Variants in ATP8A2 observed in about 807,000 individuals in gnomAD.
ATP8A2 encodes the protein ATPase phospholipid transporting 8A2.
Under a neutral mutation model 165.6 loss-of-function variants are expected in ATP8A2, and 100 were observed. The observed-to-expected ratio is 0.60, with a 90% CI of 0.51 to 0.71. The LOEUF (loss-of-function observed/expected upper bound fraction) is 0.71. Among genes scored for constraint, ATP8A2 ranks in the 30% least tolerant of loss-of-function variants. The pLI is 0.00. For missense variants in ATP8A2, 1,227 were observed against 1,479.5 expected (o/e 0.83, Z 2.80); for synonymous variants, 543 against 548.8 (o/e 0.99, Z 0.15).
chr13:25,418,415 T>C (rs1361556917), intron 1 of ATP8A2, among the ~76,000 whole-genome samples: 3 of 152,084 alleles, frequency 2.0e-5, no homozygotes, highest in African/African-American at 7.2e-5. Context: ...TGTGGTCTCC[T>C]TGGGGACAAG....
chr13:25,433,974 G>T (rs2034683721), intron 1 of ATP8A2, among the ~76,000 whole-genome samples: 1 of 152,156 alleles, frequency 6.6e-6, no homozygotes, highest in Non-Finnish European at 1.5e-5. Flanking sequence ...GGCTCCAAAA[G>T]AGTGGGAGTG....
intron 27 of ATP8A2, among the ~76,000 whole-genome samples, chr13:25,789,989 T>A (rs890075028): frequency 1.3e-5 from 2 of 152,204 alleles, no homozygotes; most frequent in African/African-American, 4.8e-5. Flanking sequence ...GACTCACTAT[T>A]CTATAAATGG....
chr13:25,722,505 C>T (rs933379763), intron 25 of ATP8A2, among the ~76,000 whole-genome samples: 1 of 152,192 alleles, frequency 6.6e-6, no homozygotes, highest in African/African-American at 2.4e-5. Context: ...ACCAATGAGA[C>T]TGGTATATGT....
At chr13:25,410,098 C>T (rs1191490761) in intron 1 of ATP8A2, among the ~76,000 whole-genome samples, 1 of 151,632 alleles carries the variant, frequency 6.6e-6, no homozygotes, top group Non-Finnish European at 1.5e-5. Context: ...GCTCAGCCTT[C>T]TGCACGGCTC....
chr13:25,374,371 C>T (rs1368921558), intron 1 of ATP8A2, among the ~76,000 whole-genome samples: 1 of 152,128 alleles, frequency 6.6e-6, no homozygotes, highest in Non-Finnish European at 1.5e-5. Flanking sequence ...AGTAACAGGA[C>T]AGGAACTGGA....
At chr13:25,808,794 T>A (rs1243977277) in intron 27 of ATP8A2, among the ~76,000 whole-genome samples, 1 of 152,096 alleles carries the variant, frequency 6.6e-6, no homozygotes, top group Non-Finnish European at 1.5e-5. Context: ...CTTAAAATTT[T>A]TTTTCATCTT....
intron 24 of ATP8A2, among the ~76,000 whole-genome samples, chr13:25,631,096 T>A (rs1470325328): frequency 6.6e-6 from 1 of 152,162 alleles, no homozygotes; most frequent in Non-Finnish European, 1.5e-5. Flanking sequence ...GATTTGCTTT[T>A]CAGTTTCTGA....
At chr13:25,679,094 T>C (rs1396601045) in intron 24 of ATP8A2, among the ~76,000 whole-genome samples, 1 of 151,892 alleles carries the variant, frequency 6.6e-6, no homozygotes, top group Non-Finnish European at 1.5e-5. Flanking sequence ...AGGTAAGCAA[T>C]GGGAGGAAGG....
intron 33 of ATP8A2, among the ~76,000 whole-genome samples, chr13:25,923,831 C>T (rs995865396): frequency 3.3e-5 from 5 of 152,102 alleles, no homozygotes; most frequent in Admixed American, 3.3e-4. Flanking sequence ...TTCTTTCTGG[C>T]TTTGTTTTTC....
chr13:25,941,148 C>G (rs983789852), intron 33 of ATP8A2, among the ~76,000 whole-genome samples: 3 of 152,154 alleles, frequency 2.0e-5, no homozygotes, highest in Non-Finnish European at 1.5e-5. Flanking sequence ...CCACCTCCCC[C>G]GAGTACTGCT....
chr13:25,757,524 T>C (rs1366355599), intron 25 of ATP8A2, among the ~76,000 whole-genome samples: 1 of 151,284 alleles, frequency 6.6e-6, no homozygotes, highest in African/African-American at 2.4e-5. Context: ...TGTGTGTGTG[T>C]GCACACGCAC....
At chr13:25,594,029 T>C (rs768833133) in intron 24 of ATP8A2, among the ~76,000 whole-genome samples, 4 of 152,240 alleles carry the variant, frequency 2.6e-5, no homozygotes, top group Non-Finnish European at 4.4e-5. Flanking sequence ...TTCACAAGAT[T>C]ATTATAATTA....
At position 25,372,197 on chromosome 13, in the gene ATP8A2, C is replaced by T. The variant is rs2032425577; in HGVS notation, c.-16C>T. The T allele has an allele frequency of 1.4e-6, 2 of 1,427,468 alleles. No homozygotes were observed. Among genetic ancestry groups the T allele is most frequent in the African/African-American group, 3.0e-5 (2 of 67,410 alleles). The allele number at this position is 1,427,468 out of a possible 1,614,324, so 88.4% of individuals were successfully genotyped here. On this transcript the variant is annotated 5_prime_UTR_variant, in exon 1 of 37. Coordinates refer to ENST00000381655, the MANE Select transcript of ATP8A2 (RefSeq NM_016529.6). This position sits in a 1 kb window ranked among gnomAD's most constrained non-coding sequence, Gnocchi z 4.8. ...CGTCTCTCGCCCGGGGCCGCCGAGCCCCCGACACGGGCGAGATGCTGAACG... is the reference window on the plus strand; with the variant it reads ...CGTCTCTCGCCCGGGGCCGCCGAGCTCCCGACACGGGCGAGATGCTGAACG...
intron 25 of ATP8A2, among the ~76,000 whole-genome samples, chr13:25,701,194 T>G (rs1194718944): frequency 6.6e-6 from 1 of 152,220 alleles, no homozygotes; most frequent in Non-Finnish European, 1.5e-5. Context: ...CAAAGGCCAG[T>G]TTATCTATCT....
At chr13:25,517,608 G>A (rs1002656008) in intron 2 of ATP8A2, among the ~76,000 whole-genome samples, 23 of 152,258 alleles carry the variant, frequency 1.5e-4, no homozygotes, top group Admixed American at 1.5e-3. Flanking sequence ...GTCAGCAGTC[G>A]ACTTCCATTT....
chr13:25,478,882 T>C (rs984712533), intron 2 of ATP8A2, among the ~76,000 whole-genome samples: 1 of 151,806 alleles, frequency 6.6e-6, no homozygotes, highest in Admixed American at 6.6e-5. Context: ...GGAGTCTTGC[T>C]GTGTCACCAG....
At chr13:25,709,005 TG>T (rs1218422695) in intron 25 of ATP8A2, among the ~76,000 whole-genome samples, 2 of 152,152 alleles carry the variant, frequency 1.3e-5, no homozygotes, top group African/African-American at 4.8e-5. Flanking sequence ...TTGAATGATT[TG>T]GTTTCTGTTG....
intron 27 of ATP8A2, among the ~76,000 whole-genome samples, chr13:25,806,798 A>G (rs924864620): frequency 1.3e-5 from 2 of 152,182 alleles, no homozygotes; most frequent in African/African-American, 2.4e-5. Flanking sequence ...CTTACCAGCA[A>G]TGTGCTAGGT....
At chr13:25,918,936 A>G (rs1333569723) in intron 33 of ATP8A2, among the ~76,000 whole-genome samples, 3 of 152,238 alleles carry the variant, frequency 2.0e-5, no homozygotes, top group African/African-American at 7.2e-5. Context: ...TGGGAGCTAA[A>G]CAGCAAGAAA....
Sources: allele counts gnomAD v4.1 joint callset (sites outside exome capture counted in the v4.1 genomes callset), GRCh38; gene constraint gnomAD v4.1.1; non-coding constraint Gnocchi (gnomAD v3.1); transcripts MANE v1.5; gene names NCBI Gene and HGNC (gene_info 2026-07-23, HGNC 2026-07-21).